ADAM19: variants seen among roughly 807,000 people sequenced by gnomAD.
ADAM19 encodes the protein disintegrin and metalloproteinase domain-containing protein 19.
A neutral mutation model predicts 114.7 loss-of-function variants in ADAM19; 65 were observed. The ratio of observed to expected loss-of-function variants is 0.57; its 90% CI spans 0.46 to 0.70. ADAM19 has a LOEUF of 0.70. Ranked by LOEUF, ADAM19 falls within the 30% of genes least tolerant of loss-of-function variation. The probability of loss-of-function intolerance (pLI) is 0.00; values close to 1 mark genes in which losing one functional copy is unlikely to be tolerated. For synonymous variants in ADAM19, 466 were observed against 460.5 expected (o/e 1.01, Z -0.15); for missense variants, 1,063 against 1,204.7 (o/e 0.88, Z 1.74).
Position 157,490,449 on chromosome 5 carries a change from C to T in ADAM19, c.2101G>A (p.Gly701Ser). The part of the protein sequence containing the change: ...DSGPMPPESV[G>S]PVVAGVLVAI... Reference sequence around the variant, plus strand: ...ACCAACACTCCAGCTACCACAGGACCCACACCTTCCAGAAACAGAACCCAA... The same window carrying T: ...ACCAACACTCCAGCTACCACAGGACTCACACCTTCCAGAAACAGAACCCAA... Residue 701 changes from glycine to serine, a missense_variant, in exon 19 of 23, where the codon GGT (glycine) becomes AGT (serine). Transcript: ENST00000257527. 1 of 1,613,940 alleles carries T rather than the reference C, an allele frequency of 6.2e-7. No individual in the cohort carries two copies. The highest frequency in any genetic ancestry group is 8.5e-7 in the Non-Finnish European group (1 of 1,179,960).
chr5:157,545,330 T>C (rs764764297), intron 3 of ADAM19, among the ~76,000 whole-genome samples: 109 of 152,278 alleles, frequency 7.2e-4, no homozygotes, highest in Non-Finnish European at 1.2e-3. Flanking sequence ...TCTCGTTGCA[T>C]TGCTGACTAG....
intron 2 of ADAM19, 47 bp downstream of exon 2, chr5:157,570,848 T>A (rs1188249801): frequency 1.3e-6 from 2 of 1,544,886 alleles, no homozygotes; most frequent in East Asian, 2.2e-5. Flanking sequence ...AGCCCAAACC[T>A]CAGTTGTCAA....
At chr5:157,509,815 A>C (rs926891888) in intron 8 of ADAM19, among the ~76,000 whole-genome samples, 2 of 152,228 alleles carry the variant, frequency 1.3e-5, no homozygotes, top group South Asian at 4.1e-4. Context: ...AGATATGAAT[A>C]GGTCTATCAT....
chr5:157,502,676 G>T, intron 12 of ADAM19, 127 bp downstream of exon 12: 1 of 978,460 alleles, frequency 1.0e-6, no homozygotes, highest in South Asian at 1.6e-5. Flanking sequence ...TTTTTCATGG[G>T]GTATTGGACA....
At chr5:157,512,711 A>G (rs2113731097) in intron 8 of ADAM19, among the ~76,000 whole-genome samples, 1 of 152,342 alleles carries the variant, frequency 6.6e-6, no homozygotes, top group African/African-American at 2.4e-5. Context: ...TGACCTAGGA[A>G]AGTTAACCAC....
intron 3 of ADAM19, among the ~76,000 whole-genome samples, chr5:157,556,359 C>G (rs1757368884): frequency 6.6e-6 from 1 of 151,816 alleles, no homozygotes; most frequent in South Asian, 2.1e-4. Flanking sequence ...GCTGGGACTA[C>G]AGGGGCGCAC....
chr5:157,548,733 A>G (rs955775276), intron 3 of ADAM19, among the ~76,000 whole-genome samples: 4 of 152,230 alleles, frequency 2.6e-5, no homozygotes, highest in African/African-American at 9.6e-5. Flanking sequence ...CATTTTCAGG[A>G]CAGAATCTGT....
rs1395487400 is a variant in ADAM19 at position 157,479,777 on chromosome 5, G to A, written c.*1172C>T. ...GATCTCGGGCAGCTCCCAGAAATGG[G>A]TCTGTTCTCTGCTCAGAGGGCAACG... is the stretch of plus-strand genomic sequence containing the variant. On this transcript the variant is annotated 3_prime_UTR_variant, in exon 23 of 23. Transcript: ENST00000257527. The A allele has an allele frequency of 1.0e-6, 1 of 985,540 alleles. No individual in the cohort carries two copies. The highest frequency in any genetic ancestry group is 1.2e-6 in the Non-Finnish European group (1 of 830,082). The allele number at this position is 985,540 out of a possible 1,614,324, so 61.0% of individuals were successfully genotyped here.
At chr5:157,563,864 C>T (rs921080006) in intron 3 of ADAM19, among the ~76,000 whole-genome samples, 2 of 152,288 alleles carry the variant, frequency 1.3e-5, no homozygotes, top group African/African-American at 4.8e-5. Flanking sequence ...GAGCCGGGCC[C>T]GATGTAGCCA....
Position 157,519,858 on chromosome 5 carries a change from G to T in ADAM19, c.581C>A (p.Thr194Asn). Residue 194 changes from threonine (T) to asparagine (N), a missense_variant, in exon 6 of 23, where the codon ACC becomes AAC. By Grantham distance (65) the Thr-to-Asn change is moderately conservative. Around this residue, in one of 3 missense-constraint regions of ADAM19, gnomAD observed 615 missense variants for 706.3 expected, o/e 0.87. Transcript: ENST00000257527. ...RDWALQFTQQ[T>N]KKRPRRMKRE... is the part of the protein sequence containing the mutation. ...ACTCACCCTGCGAGGTCGCTTCTTGGTCTGTTGTGTAAACTGAAGAGCCCA... is the reference window on the plus strand; with the variant it reads ...ACTCACCCTGCGAGGTCGCTTCTTGTTCTGTTGTGTAAACTGAAGAGCCCA... 2 of 1,613,260 alleles carry T rather than the reference G, an allele frequency of 1.2e-6. No homozygotes were observed. The highest frequency in any genetic ancestry group is 1.7e-6 in the Non-Finnish European group (2 of 1,179,560).
intron 3 of ADAM19, among the ~76,000 whole-genome samples, chr5:157,541,489 G>A (rs1433071463): frequency 6.6e-6 from 1 of 152,172 alleles, no homozygotes; most frequent in Non-Finnish European, 1.5e-5. Context: ...CATAATAATA[G>A]CCAGCACTAG....
At chr5:157,572,250 T>A (rs986175981) in intron 1 of ADAM19, 1 of 455,642 alleles carries the variant, frequency 2.2e-6, no homozygotes, top group African/African-American at 2.0e-5. Context: ...CACACCCGGC[T>A]AATTTTTTTG....
intron 3 of ADAM19, among the ~76,000 whole-genome samples, chr5:157,551,759 C>G (rs911192310): frequency 3.3e-5 from 5 of 151,800 alleles, no homozygotes; most frequent in Non-Finnish European, 7.4e-5. Context: ...AAAAGTTGGG[C>G]AAAAGCTTTG....
intron 3 of ADAM19, among the ~76,000 whole-genome samples, chr5:157,549,494 C>T (rs1757132414): frequency 6.6e-6 from 1 of 152,166 alleles, no homozygotes; most frequent in Non-Finnish European, 1.5e-5. Context: ...CTTTCTCATT[C>T]TCCATTCATC....
chr5:157,509,550 G>C (rs1161822724), intron 8 of ADAM19, 83 bp from the exon 9 acceptor site: 2 of 1,085,514 alleles, frequency 1.8e-6, no homozygotes, highest in Non-Finnish European at 2.4e-6. Context: ...GGTGGAGCTT[G>C]AGATTAAAAA....
chr5:157,572,430 A>T (rs1757856955), intron 1 of ADAM19, among the ~76,000 whole-genome samples: 1 of 152,168 alleles, frequency 6.6e-6, no homozygotes, highest in Non-Finnish European at 1.5e-5. Flanking sequence ...GTTCCTGGGA[A>T]TGGGGCTGAG....
At chr5:157,507,247 TC>T in intron 9 of ADAM19, 107 bp from the exon 10 acceptor site, 1 of 1,078,808 alleles carries the variant, frequency 9.3e-7, no homozygotes, top group Non-Finnish European at 1.4e-6. Context: ...CCGCTGACTT[TC>T]CCAGGTCATT....
chr5:157,545,942 T>A (rs1201205509), intron 3 of ADAM19, among the ~76,000 whole-genome samples: 4 of 152,216 alleles, frequency 2.6e-5, no homozygotes, highest in Non-Finnish European at 5.9e-5. Flanking sequence ...GGGTCCTTGA[T>A]CAAGACGCAG....
chr5:157,484,687 T>C (rs1183394874), intron 21 of ADAM19, among the ~76,000 whole-genome samples: 1 of 152,200 alleles, frequency 6.6e-6, no homozygotes, highest in Non-Finnish European at 1.5e-5. Context: ...CAGCTCTATC[T>C]AGAAGGACAA....
Sources: gnomAD v4.1 joint callset for allele counts (sites outside exome capture counted in the v4.1 genomes callset) on GRCh38, gnomAD v4.1.1 for gene constraint, gnomAD v4.1.1 regional missense constraint, MANE v1.5 for transcripts, NCBI Gene and HGNC (gene_info 2026-07-23, HGNC 2026-07-21) for gene names.